Variants in MCPH1 observed in about 807,000 individuals in gnomAD.
The protein encoded by MCPH1 is microcephalin.
Under a neutral mutation model 84.5 loss-of-function variants are expected in MCPH1, and 104 were observed. The ratio of observed to expected loss-of-function variants is 1.23; its 90% confidence interval spans 1.05 to 1.45. MCPH1 has a LOEUF of 1.45. Among genes scored for constraint, MCPH1 ranks in the 40% most tolerant of loss-of-function variants. The pLI is 0.00. For missense variants in MCPH1, 1,498 were observed against 1,005.7 expected, an observed-to-expected ratio of 1.49 and a Z score of -6.62; for synonymous variants, 514 against 366.8, an observed-to-expected ratio of 1.40 and a Z score of -4.58.
intron 12 of MCPH1, among the ~76,000 whole-genome samples, chr8:6,564,103 T>C (rs1313507733): frequency 6.6e-6 from 1 of 151,204 alleles, no homozygotes; most frequent in Non-Finnish European, 1.5e-5. Context: ...TGCCTCAGGC[T>C]CCTGAGCAGC....
At chr8:6,431,001 A>T (rs1006574842) in intron 3 of MCPH1, among the ~76,000 whole-genome samples, 1 of 152,188 alleles carries the variant, frequency 6.6e-6, no homozygotes, top group African/African-American at 2.4e-5. Flanking sequence ...AGGCTTGGCA[A>T]TGCGGAGCAT....
At chr8:6,493,535 A>G (rs1443964) in intron 11 of MCPH1, among the ~76,000 whole-genome samples, 129,406 of 152,164 alleles carry the variant, frequency 0.85, 56,941 homozygotes, top group Non-Finnish European at 0.97. Context: ...AGGCTGTGTT[A>G]GATATTTAGC....
At chr8:6,587,062 C>G (rs1033204262) in intron 12 of MCPH1, among the ~76,000 whole-genome samples, 1 of 151,990 alleles carries the variant, frequency 6.6e-6, no homozygotes, top group Non-Finnish European at 1.5e-5. Flanking sequence ...TTCCACTTCT[C>G]GGTGTTGGAA....
At chr8:6,604,288 T>A (rs1829589345) in intron 12 of MCPH1, among the ~76,000 whole-genome samples, 1 of 152,216 alleles carries the variant, frequency 6.6e-6, no homozygotes, top group African/African-American at 2.4e-5. Context: ...GCAATGTGCT[T>A]CACCCACTGC....
intron 12 of MCPH1, among the ~76,000 whole-genome samples, chr8:6,538,606 C>A (rs567455934): frequency 2.0e-5 from 3 of 152,210 alleles, no homozygotes; most frequent in African/African-American, 7.2e-5. Flanking sequence ...CTTTGTATCT[C>A]CTCCTTGAGT....
intron 9 of MCPH1, among the ~76,000 whole-genome samples, chr8:6,465,398 C>A (rs1205333406): frequency 2.6e-5 from 4 of 152,232 alleles, no homozygotes; most frequent in Admixed American, 2.6e-4. Flanking sequence ...CTCCCACCAC[C>A]CCATGTCCAC....
chr8:6,452,497 A>G (rs1172155035), intron 8 of MCPH1, among the ~76,000 whole-genome samples: 7 of 152,394 alleles, frequency 4.6e-5, no homozygotes, highest in African/African-American at 1.4e-4. Flanking sequence ...AGAGGAAGAT[A>G]TATGGCTTTC....
chr8:6,540,523 G>A (rs1821349305), intron 12 of MCPH1, among the ~76,000 whole-genome samples: 1 of 152,222 alleles, frequency 6.6e-6, no homozygotes, highest in Admixed American at 6.5e-5. Context: ...CTCATGGCAC[G>A]TTATGCATAC....
chr8:6,581,855 C>T (rs1827591807), intron 12 of MCPH1, among the ~76,000 whole-genome samples: 2 of 152,124 alleles, frequency 1.3e-5, no homozygotes, highest in Non-Finnish European at 1.5e-5. Context: ...TTTCCTGGTT[C>T]ATAGATGGCG....
At chr8:6,455,985 G>T (rs897919278) in intron 9 of MCPH1, among the ~76,000 whole-genome samples, 1 of 152,126 alleles carries the variant, frequency 6.6e-6, no homozygotes, top group Non-Finnish European at 1.5e-5. Context: ...GTCCTGATAC[G>T]CAGGCTTGAA....
At chr8:6,464,029 G>A (rs1806569511) in intron 9 of MCPH1, among the ~76,000 whole-genome samples, 1 of 152,282 alleles carries the variant, frequency 6.6e-6, no homozygotes, top group South Asian at 2.1e-4. Flanking sequence ...GTTATCACAC[G>A]TTTAGGGGAA....
chr8:6,449,717 G>C (rs1804862408), intron 8 of MCPH1, among the ~76,000 whole-genome samples: 3 of 152,162 alleles, frequency 2.0e-5, no homozygotes, highest in African/African-American at 7.2e-5. Flanking sequence ...TTGGGCTCAG[G>C]AAGTATGTCC....
At chr8:6,505,462 ATATTCTTT>A (rs1813345052) in intron 12 of MCPH1, among the ~76,000 whole-genome samples, 9 of 77,650 alleles carry the variant, frequency 1.2e-4, no homozygotes, top group Admixed American at 1.5e-4. Flanking sequence ...TAGAATATAT[ATATTCTTT>A]ACATATATAG....
intron 9 of MCPH1, among the ~76,000 whole-genome samples, chr8:6,470,702 C>G (rs1807606027): frequency 6.6e-6 from 1 of 152,254 alleles, no homozygotes; most frequent in Admixed American, 6.5e-5. Flanking sequence ...ACATAAACTT[C>G]TGGGCCTCCA....
At chr8:6,539,718 C>T (rs1821191857) in intron 12 of MCPH1, among the ~76,000 whole-genome samples, 1 of 152,150 alleles carries the variant, frequency 6.6e-6, no homozygotes, top group African/African-American at 2.4e-5. Context: ...TCCCAAGTAG[C>T]TGGGGTTACA....
chr8:6,613,608 A>T (rs960090896), intron 12 of MCPH1, among the ~76,000 whole-genome samples: 2 of 151,654 alleles, frequency 1.3e-5, no homozygotes, highest in African/African-American at 4.9e-5. Context: ...CCGGGGAGAC[A>T]GGAGCCCAAG....
intron 4 of MCPH1, among the ~76,000 whole-genome samples, chr8:6,435,327 T>G (rs1346295660): frequency 1.3e-5 from 2 of 152,104 alleles, no homozygotes; most frequent in African/African-American, 4.8e-5. Context: ...ATGCCACTTG[T>G]TTTGAGAAAA....
At chr8:6,521,557 C>G (rs921816292) in intron 12 of MCPH1, 4 of 623,572 alleles carry the variant, frequency 6.4e-6, no homozygotes, top group African/African-American at 1.8e-5. Flanking sequence ...TAAGGAATCT[C>G]TGAAACTTGC....
intron 11 of MCPH1, among the ~76,000 whole-genome samples, chr8:6,490,011 C>T (rs1044441035): frequency 2.6e-5 from 4 of 152,124 alleles, no homozygotes; most frequent in Non-Finnish European, 4.4e-5. Context: ...GTTGGTCTTT[C>T]CTTTTCTTTT....
Sources: allele counts gnomAD v4.1 joint callset (sites outside exome capture counted in the v4.1 genomes callset), GRCh38; gene constraint gnomAD v4.1.1; transcripts MANE v1.5; gene names NCBI Gene and HGNC (gene_info 2026-07-23, HGNC 2026-07-21).